The following ADAMTSL5 variants were observed in gnomAD, a reference collection of about 807,000 sequenced individuals.
ADAMTSL5 encodes ADAMTS-like protein 5.
ADAMTSL5 carries 53 observed loss-of-function variants against 51.7 expected under a neutral mutation model. The observed-to-expected ratio is 1.03, with a 90% CI of 0.82 to 1.29. ADAMTSL5 has a LOEUF of 1.29. Among genes scored for constraint, ADAMTSL5 ranks in the 50% most tolerant of loss-of-function variants. The pLI is 0.00. For missense variants in ADAMTSL5, 770 were observed against 676.2 expected, an observed-to-expected ratio of 1.14 and a Z score of -1.54; for synonymous variants, 285 against 278.7, an observed-to-expected ratio of 1.02 and a Z score of -0.23.
Position 1,505,246 on chromosome 19 carries a change from G to C in ADAMTSL5, c.*769C>G, listed in dbSNP as rs931242347. 6.6e-6 allele frequency: 1 copy of C among 152,056 alleles called. No homozygotes were observed. Among genetic ancestry groups the C allele is most frequent in the African/African-American group, 2.4e-5 (1 of 41,334 alleles). The allele number at this position is 152,056 out of a possible 1,614,324, so 9.4% of individuals were successfully genotyped here. On this transcript the variant is annotated 3_prime_UTR_variant, in exon 12 of 12. Coordinates refer to ENST00000330475, the MANE Select transcript of ADAMTSL5 (RefSeq NM_213604.3). ...AGCCGGGCATGGTGATTCACACCTG[G>C]AGTTCCAGCTGCTGTGGAGGCTGAG...
Position 1,506,835 on chromosome 19 carries a change from C to A in ADAMTSL5, c.946G>T (p.Gly316Cys). Residue 316 changes from glycine to cysteine, a missense_variant, in exon 10 of 12, where the codon GGC becomes TGC. Transcript: ENST00000330475. The surrounding 1 kb of genome is among the most constrained non-coding windows in gnomAD (Gnocchi z 5.6). ...GGCTGAGGCTGCCTCAGGGGCCAGCCCAGGGCCTGCACACGAGCCTGGAAG... is the reference window on the plus strand; with the variant it reads ...GGCTGAGGCTGCCTCAGGGGCCAGCACAGGGCCTGCACACGAGCCTGGAAG... ...SPFQARVQALGWPLRQPQPRG... is the reference protein window; with the variant it reads ...SPFQARVQALCWPLRQPQPRG... 1 of 1,542,172 alleles carries A rather than the reference C, an allele frequency of 6.5e-7. No individual in the cohort carries two copies.
chr19:1,508,308 G>C, intron 6 of ADAMTSL5, 135 bp downstream of exon 6: 1 of 1,050,492 alleles, frequency 9.5e-7, no homozygotes. Flanking sequence ...GCAGGGCCTG[G>C]AAGGGGAGGG....
chr19:1,506,818 C>G lies in ADAMTSL5; in HGVS notation c.963G>C (p.Gln321His). ...RVQALGWPLR[Q>H]PQPRGVEPQP... The stretch of plus-strand genomic sequence containing the variant: ...GAGGCTCCACCCCCCGGGGCTGAGG[C>G]TGCCTCAGGGGCCAGCCCAGGGCCT... The change falls in exon 10 of 12, where the codon CAG (glutamine) becomes CAC (histidine). Residue 321 changes from glutamine to histidine, a missense_variant. Gln to His is a conservative substitution (Grantham distance 24, BLOSUM62 0). Transcript: ENST00000330475. The surrounding 1 kb of genome is among the most constrained non-coding windows in gnomAD (Gnocchi z 5.6). 6.5e-7 allele frequency: 1 copy of G among 1,540,944 alleles called. No homozygotes were observed. Among genetic ancestry groups the G allele is most frequent in the Non-Finnish European group, 8.7e-7 (1 of 1,144,062 alleles).
chr19:1,512,177 C>G (rs749005765), intron 1 of ADAMTSL5, among the ~76,000 whole-genome samples: 1 of 152,184 alleles, frequency 6.6e-6, no homozygotes, highest in Non-Finnish European at 1.5e-5. Flanking sequence ...AGCCCCGGCC[C>G]GGGCACCAGC....
rs1248854865 is a variant in ADAMTSL5, at chr19:1,505,881, G to A, written c.*134C>T. ...GAGGTGTCTTAAGCGTGTGTGGGAGGGAGTCACATAGCTGCACAGGTGGGA... is the reference window on the plus strand; with the variant it reads ...GAGGTGTCTTAAGCGTGTGTGGGAGAGAGTCACATAGCTGCACAGGTGGGA... On this transcript the variant is annotated 3_prime_UTR_variant, in exon 12 of 12. Transcript: ENST00000330475. 1 of 1,159,640 alleles carries A rather than the reference G, an allele frequency of 8.6e-7. No individual in the cohort carries two copies. The highest frequency in any genetic ancestry group is 1.2e-6 in the Non-Finnish European group (1 of 855,782). The allele number at this position is 1,159,640 out of a possible 1,614,324, so 71.8% of individuals were successfully genotyped here. A position where few individuals can be genotyped will look rare whatever the true frequency, so the allele number is the denominator to read the frequency against.
intron 9 of ADAMTSL5, 112 bp downstream of exon 9, chr19:1,507,129 AC>A: frequency 8.1e-7 from 1 of 1,231,370 alleles, no homozygotes; most frequent in South Asian, 1.6e-5. Context: ...CTCCCCTCTG[AC>A]CCCAGACTCC....
chr19:1,508,307 G>C, intron 6 of ADAMTSL5, 136 bp downstream of exon 6: 1 of 1,275,686 alleles, frequency 7.8e-7, no homozygotes, highest in Middle Eastern at 2.8e-4. Flanking sequence ...GGCAGGGCCT[G>C]GAAGGGGAGG....
rs1013072267 is a variant in ADAMTSL5, at chr19:1,505,952, T to A, written c.*63A>T. The A allele has an allele frequency of 1.4e-6, 2 of 1,443,240 alleles. No homozygotes were observed. The highest frequency in any genetic ancestry group is 2.9e-5 in the South Asian group (2 of 68,898). The allele number at this position is 1,443,240 out of a possible 1,614,324, so 89.4% of individuals were successfully genotyped here. A position where few individuals can be genotyped will look rare whatever the true frequency, so the allele number is the denominator to read the frequency against. ...AAGCCAGGGTGAGAGGGGAAATACG[T>A]TGACGTTGAGGCTGGTCAGATGTAT... On this transcript the variant is annotated 3_prime_UTR_variant, in exon 12 of 12. Coordinates refer to ENST00000330475, the MANE Select transcript of ADAMTSL5 (RefSeq NM_213604.3).
At position 1,506,880 on chromosome 19, in the gene ADAMTSL5, G is replaced by T. The variant is rs193058057; in HGVS notation, c.901C>A (p.Pro301Thr). The T allele has an allele frequency of 1.3e-6, 2 of 1,549,056 alleles. No homozygotes were observed. The highest frequency in any genetic ancestry group is 2.4e-5 in the East Asian group (1 of 40,894). ...TGGAAGGGGCTGTAGCGCTCCCGAG[G>T]GAGCCAGAACTCAAACTCGATGCCA... ...NPGIEFEFWL[P>T]RERYSPFQAR... The change falls in exon 10 of 12, where the codon CCT becomes ACT. Residue 301 changes from proline to threonine, a missense_variant. By Grantham distance (38) the Pro-to-Thr change is conservative (BLOSUM62 -1). Coordinates refer to ENST00000330475, the MANE Select transcript of ADAMTSL5 (RefSeq NM_213604.3). This position sits in a 1 kb window ranked among gnomAD's most constrained non-coding sequence, Gnocchi z 5.6.
At chr19:1,512,937 G>C (rs926916278) in intron 1 of ADAMTSL5, 26 bp downstream of exon 1, 1 of 152,320 alleles carries the variant, frequency 6.6e-6, no homozygotes, top group African/African-American at 2.4e-5. Context: ...CCCGGAGAAA[G>C]TGGGAGGATA....
chr19:1,509,183 A>G (rs556921475), intron 5 of ADAMTSL5, among the ~76,000 whole-genome samples: 1 of 122,508 alleles, frequency 8.2e-6, no homozygotes, highest in South Asian at 2.8e-4. Context: ...TGAACCAGGG[A>G]GGTGGAGGCT....
At chr19:1,508,764 A>T in intron 5 of ADAMTSL5, 194 bp from the exon 6 acceptor site, 1 of 575,180 alleles carries the variant, frequency 1.7e-6, no homozygotes. Context: ...ACTCGCAGGC[A>T]AGTATCCTGG....
At chr19:1,508,604 C>T in intron 5 of ADAMTSL5, 34 bp from the exon 6 acceptor site, 2 of 1,483,054 alleles carry the variant, frequency 1.3e-6, no homozygotes, top group Non-Finnish European at 1.8e-6. Context: ...GCCGGGGACC[C>T]CTGTTCGAGC....
At chr19:1,509,666 AAAGGGAAGG>A (rs149580059) in intron 5 of ADAMTSL5, among the ~76,000 whole-genome samples, 2 of 131,658 alleles carry the variant, frequency 1.5e-5, no homozygotes, top group African/African-American at 3.0e-5. Context: ...GGGAAGGGAG[AAAGGGAAGG>A]AAGGGAAGGA....
At chr19:1,511,841 C>A (rs1049820378) in intron 1 of ADAMTSL5, 8 of 321,244 alleles carry the variant, frequency 2.5e-5, no homozygotes, top group African/African-American at 1.3e-4. Flanking sequence ...GGGAGTCCCC[C>A]GGATTGGGGA....
At position 1,506,722 on chromosome 19, in the gene ADAMTSL5, G is replaced by A. The variant is rs769143314; in HGVS notation, c.1042+17C>T. On this transcript the variant is annotated intron_variant, in intron 10 of 11. Coordinates refer to ENST00000330475, the MANE Select transcript of ADAMTSL5 (RefSeq NM_213604.3). The surrounding 1 kb of genome is among the most constrained non-coding windows in gnomAD (Gnocchi z 5.6). ...TCAGTCCCCACTCATCCCCCACCCT[G>A]GCTGTCCCCACCTCACCTGGGGCCA... 2.6e-6 allele frequency: 4 copies of A among 1,558,496 alleles called. No homozygotes were observed. Among genetic ancestry groups the A allele is most frequent in the Non-Finnish European group, 3.5e-6 (4 of 1,150,946 alleles).
rs1464458967 is a variant in ADAMTSL5 at position 1,506,755 on chromosome 19, G to A, written c.1026C>T (p.Thr342=). The A allele has an allele frequency of 1.3e-6, 2 of 1,556,078 alleles. No individual in the cohort carries two copies. Among genetic ancestry groups the A allele is most frequent in the Non-Finnish European group, 1.7e-6 (2 of 1,149,864 alleles). Residue 342 remains threonine (T), a synonymous_variant, in exon 10 of 12, where the codon ACC becomes ACT. Transcript: ENST00000330475. This position sits in a 1 kb window ranked among gnomAD's most constrained non-coding sequence, Gnocchi z 5.6. ...CCACCTCACCTGGGGCCAGCGTTGG[G>A]GTCTGTGCAGGGGTGACAGCAGGGG... ...PAAPAVTPAQ[T]PTLAPDPCPP...
intron 9 of ADAMTSL5, 123 bp downstream of exon 9, chr19:1,507,119 C>A (rs553274058): frequency 1.5e-6 from 2 of 1,312,170 alleles, no homozygotes; most frequent in East Asian, 2.5e-5. Flanking sequence ...GTCCCAGCCT[C>A]TCCCCTCTGA....
Position 1,510,739 on chromosome 19 carries a change from G to A in ADAMTSL5, c.100-9C>T. On this transcript the variant is annotated splice_polypyrimidine_tract_variant and intron_variant, in intron 2 of 11. Coordinates refer to ENST00000330475, the MANE Select transcript of ADAMTSL5 (RefSeq NM_213604.3). ...GTCCACTCGCCCGGACCCTACTTGG[G>A]GAGACAGAGGCACGGTCAGCCTTGT... The A allele has an allele frequency of 6.5e-7, 1 of 1,530,442 alleles. No individual in the cohort carries two copies. The highest frequency in any genetic ancestry group is 1.2e-5 in the South Asian group (1 of 82,772). 94.8% of individuals were successfully genotyped at this position (1,530,442 alleles called of 1,614,324 possible). A position where few individuals can be genotyped will look rare whatever the true frequency, so the allele number is the denominator to read the frequency against.
Sources: allele counts gnomAD v4.1 joint callset (sites outside exome capture counted in the v4.1 genomes callset), GRCh38; gene constraint gnomAD v4.1.1; non-coding constraint Gnocchi (gnomAD v3.1); transcripts MANE v1.5; gene names NCBI Gene and HGNC (gene_info 2026-07-23, HGNC 2026-07-21).